Variants in FBXL7 observed in about 807,000 individuals in gnomAD.
FBXL7 encodes the protein F-box/LRR-repeat protein 7.
A neutral mutation model predicts 38.3 loss-of-function variants in FBXL7; 12 were observed. That is an observed-to-expected ratio of 0.31 (90% confidence interval 0.20 to 0.51). FBXL7 has a LOEUF of 0.51. FBXL7 is among the 20% of genes least tolerant of loss of function. The probability of loss-of-function intolerance (pLI) is 0.98; values close to 1 mark genes in which losing one functional copy is unlikely to be tolerated. For missense variants in FBXL7, 567 were observed against 676.4 expected (o/e 0.84, Z 1.79); for synonymous variants, 297 against 300.9 (o/e 0.99, Z 0.13).
intron 1 of FBXL7, among the ~76,000 whole-genome samples, chr5:15,541,631 GC>G (rs1326757299): frequency 7.1e-6 from 1 of 141,818 alleles, no homozygotes; most frequent in Non-Finnish European, 1.5e-5. Context: ...TGCAACCTCT[GC>G]CTTCCAGGTT....
chr5:15,717,739 C>T (rs773513790), intron 2 of FBXL7, among the ~76,000 whole-genome samples: 1 of 152,078 alleles, frequency 6.6e-6, no homozygotes, highest in African/African-American at 2.4e-5. Context: ...GAATCAAACA[C>T]ACAACTTCAG....
chr5:15,698,878 G>A (rs1743431217), intron 2 of FBXL7, among the ~76,000 whole-genome samples: 1 of 152,194 alleles, frequency 6.6e-6, no homozygotes, highest in Non-Finnish European at 1.5e-5. Flanking sequence ...CTAATTATAA[G>A]TGCTGGTGTG....
In FBXL7 at chr5:15,500,563, G is replaced by C. The variant is rs889843678; in HGVS notation, c.-114G>C. ...GGCCGGAGGTCGGCCCCGGAGCTTG[G>C]GGGGGATGTGCAGCTAACGGTCCCG... is the stretch of plus-strand genomic sequence containing the variant. On this transcript the variant is annotated 5_prime_UTR_variant, in exon 1 of 4. Coordinates refer to ENST00000504595, the MANE Select transcript of FBXL7 (RefSeq NM_012304.5). The C allele has an allele frequency of 1.0e-5, 15 of 1,451,286 alleles. No individual in the cohort carries two copies. Among genetic ancestry groups the C allele is most frequent in the African/African-American group, 2.8e-5 (2 of 71,738 alleles). The allele number at this position is 1,451,286 out of a possible 1,614,324, so 89.9% of individuals were successfully genotyped here.
intron 2 of FBXL7, among the ~76,000 whole-genome samples, chr5:15,716,835 T>C (rs1258384619): frequency 6.6e-6 from 1 of 152,178 alleles, no homozygotes; most frequent in African/African-American, 2.4e-5. Flanking sequence ...TTAAGAAATA[T>C]CTTAGTGGAA....
intron 2 of FBXL7, among the ~76,000 whole-genome samples, chr5:15,725,265 A>G (rs1265974083): frequency 3.3e-5 from 5 of 152,124 alleles, no homozygotes; most frequent in African/African-American, 1.2e-4. Flanking sequence ...TAATATAAGC[A>G]TTTATAGCTG....
chr5:15,513,913 GT>G (rs553428013), intron 1 of FBXL7, among the ~76,000 whole-genome samples: 2,859 of 151,626 alleles, frequency 0.019, 39 homozygotes, highest in Admixed American at 0.029. Flanking sequence ...TTTTCTCTCT[GT>G]TTTTTTTCTC....
chr5:15,649,414 C>T (rs1405489980), intron 2 of FBXL7, among the ~76,000 whole-genome samples: 3 of 152,098 alleles, frequency 2.0e-5, no homozygotes, highest in African/African-American at 4.8e-5. Context: ...GTAGACAAGT[C>T]CTGTAGTTAC....
chr5:15,868,032 A>C lies in FBXL7; in HGVS notation c.128-59858A>C, dbSNP rs557870003. ...GGCAGGAGAATCACTTGAACCCGGG[A>C]GGCGGAGGTTGCGGTGAGCTGAGAT... is the stretch of plus-strand genomic sequence containing the variant. On this transcript the variant is annotated intron_variant, in intron 2 of 3. Transcript: ENST00000504595. 9.7e-5 allele frequency among the ~76,000 whole-genome samples: 14 copies of C among 144,000 alleles called. 1 individual carries two copies. The highest frequency in any genetic ancestry group is 3.6e-4 in the African/African-American group (14 of 38,816). 94.5% of individuals were successfully genotyped at this position (144,000 alleles called of 152,430 possible). A position where few individuals can be genotyped will look rare whatever the true frequency, so the allele number is the denominator to read the frequency against.
At chr5:15,581,062 T>C (rs1363104412) in intron 1 of FBXL7, among the ~76,000 whole-genome samples, 1 of 152,116 alleles carries the variant, frequency 6.6e-6, no homozygotes, top group Non-Finnish European at 1.5e-5. Context: ...TTACATATAA[T>C]TGAGGTCACA....
intron 1 of FBXL7, chr5:15,501,527 GT>G: frequency 1.0e-6 from 1 of 985,562 alleles, no homozygotes. Context: ...AGTTAAGAAG[GT>G]TTGTGTCTAG....
chr5:15,606,442 T>G (rs189396635), intron 1 of FBXL7, among the ~76,000 whole-genome samples: 2 of 152,360 alleles, frequency 1.3e-5, no homozygotes, highest in African/African-American at 4.8e-5. Context: ...ATAGCGATTT[T>G]AAAGAATTCA....
intron 2 of FBXL7, among the ~76,000 whole-genome samples, chr5:15,738,489 C>G (rs1735814066): frequency 6.6e-6 from 1 of 152,152 alleles, no homozygotes. Flanking sequence ...TTGTTATCTA[C>G]TGGAGGGTGG....
intron 2 of FBXL7, among the ~76,000 whole-genome samples, chr5:15,668,913 A>C (rs1742370423): frequency 6.6e-6 from 1 of 152,312 alleles, no homozygotes; most frequent in Admixed American, 6.5e-5. Context: ...TTGTAAAATG[A>C]GGATGAAAAA....
intron 2 of FBXL7, among the ~76,000 whole-genome samples, chr5:15,756,891 G>T (rs540676335): frequency 6.6e-6 from 1 of 152,240 alleles, no homozygotes; most frequent in Admixed American, 6.5e-5. Flanking sequence ...AATTTTAAAA[G>T]ATATTCCAAA....
At chr5:15,827,560 T>C (rs1738348920) in intron 2 of FBXL7, among the ~76,000 whole-genome samples, 1 of 152,216 alleles carries the variant, frequency 6.6e-6, no homozygotes, top group Admixed American at 6.5e-5. Context: ...GAGGGCCTTC[T>C]TGATATGTCA....
intron 2 of FBXL7, among the ~76,000 whole-genome samples, chr5:15,727,885 C>G (rs1735451516): frequency 6.6e-6 from 1 of 151,998 alleles, no homozygotes; most frequent in Admixed American, 6.6e-5. Flanking sequence ...CTCATGAGTC[C>G]TTTGGGATCT....
chr5:15,849,466 G>C (rs966637397), intron 2 of FBXL7, among the ~76,000 whole-genome samples: 2 of 152,174 alleles, frequency 1.3e-5, no homozygotes, highest in African/African-American at 4.8e-5. Context: ...TGAATTGTGG[G>C]AGTGGTTTCC....
At chr5:15,744,082 A>C (rs1735955602) in intron 2 of FBXL7, among the ~76,000 whole-genome samples, 1 of 152,088 alleles carries the variant, frequency 6.6e-6, no homozygotes, top group Non-Finnish European at 1.5e-5. Context: ...TGCTGTGAAG[A>C]CCTCTGACAT....
chr5:15,539,035 A>G (rs1032854702), intron 1 of FBXL7, among the ~76,000 whole-genome samples: 2 of 152,230 alleles, frequency 1.3e-5, no homozygotes, highest in Non-Finnish European at 2.9e-5. Context: ...TTATTAGCTT[A>G]CAGAACTAAA....
Sources: gnomAD v4.1 joint callset for allele counts (sites outside exome capture counted in the v4.1 genomes callset) on GRCh38, gnomAD v4.1.1 for gene constraint, MANE v1.5 for transcripts, NCBI Gene and HGNC (gene_info 2026-07-23, HGNC 2026-07-21) for gene names.